TMEM190: variants seen among roughly 807,000 people sequenced by gnomAD.
TMEM190 encodes the protein transmembrane protein 190.
TMEM190 carries 17 observed loss-of-function variants against 17.1 expected under a neutral mutation model. The ratio of observed to expected loss-of-function variants is 0.99; its 90% confidence interval spans 0.68 to 1.49. The LOEUF (loss-of-function observed/expected upper bound fraction) is 1.49, where lower values mean the gene tolerates loss of function less well. Among genes scored for constraint, TMEM190 ranks in the 40% most tolerant of loss-of-function variants. The probability of loss-of-function intolerance (pLI) is 0.00; values close to 1 mark genes in which losing one functional copy is unlikely to be tolerated. For synonymous variants in TMEM190, 101 were observed against 103.8 expected (o/e 0.97, Z 0.16); for missense variants, 246 against 245.0 (o/e 1.00, Z -0.03).
Position 55,376,886 on chromosome 19 carries a change from G to A in TMEM190, c.33G>A (p.Leu11=), listed in dbSNP as rs766824649. Residue 11 remains leucine, a synonymous_variant, in exon 1 of 5, where the codon CTG becomes CTA. Transcript: ENST00000291934. Reference sequence around the variant, plus strand: ...GCTGTGGGATCCCAGCGCTGGGCCTGCTCCTGCTGCTGCAGGGCTCGGCAG... The same window carrying A: ...GCTGTGGGATCCCAGCGCTGGGCCTACTCCTGCTGCTGCAGGGCTCGGCAG... MLGCGIPALG[L]LLLLQGSADG... The A allele has an allele frequency of 1.9e-6, 3 of 1,583,610 alleles. No individual in the cohort carries two copies. In the South Asian group the frequency reaches 3.5e-5, roughly 18 times the overall value.
At chr19:55,376,955 C>A (rs2089855755) in intron 1 of TMEM190, 36 bp from the exon 2 acceptor site, 2 of 1,553,210 alleles carry the variant, frequency 1.3e-6, no homozygotes, top group Non-Finnish European at 1.7e-6. Context: ...GGACGCCCGG[C>A]TCCACACAGC....
chr19:55,377,457 G>A (rs867835796), intron 2 of TMEM190, 136 bp from the exon 3 acceptor site: 12 of 1,393,834 alleles, frequency 8.6e-6, no homozygotes, highest in African/African-American at 1.4e-5. Flanking sequence ...AGGAGGGGGT[G>A]GAGTCTGGAC....
intron 2 of TMEM190, among the ~76,000 whole-genome samples, chr19:55,377,231 T>C (rs1468292615): frequency 7.2e-6 from 1 of 139,156 alleles, no homozygotes; most frequent in Admixed American, 7.2e-5. Context: ...GATTCCTTGG[T>C]CTGAGGGAGG....
Position 55,377,841 on chromosome 19 carries a change from C to T in TMEM190, c.260C>T (p.Thr87Met), listed in dbSNP as rs780683303. The T allele has an allele frequency of 7.4e-6, 12 of 1,610,954 alleles. No homozygotes were observed. Among genetic ancestry groups the T allele is most frequent in the Middle Eastern group, 1.6e-4 (1 of 6,084 alleles). ...AAGCACATGTGGGCGCTGGTCTGGA[C>T]GTGCAGCGGCCTCCTCCTCCTGAGC... is the stretch of plus-strand genomic sequence containing the variant. ...RRKHMWALVW[T>M]CSGLLLLSCS... Residue 87 changes from threonine to methionine, a missense_variant, in exon 4 of 5, where the codon ACG (threonine) becomes ATG (methionine). By Grantham distance (81) the Thr-to-Met change is moderately conservative. Transcript: ENST00000291934.
chr19:55,377,656 A>C lies in TMEM190; in HGVS notation c.158A>C (p.Asn53Thr), dbSNP rs1423382621. ...GGCCAGGCGGCCATCGATAGCCCCA[A>C]CCTCTGCCTGCGTCTCCGGTGCTGC... The part of the protein sequence containing the change: ...CGGQAAIDSP[N>T]LCLRLRCCYR... The change falls in exon 3 of 5, where the codon AAC becomes ACC. Residue 53 changes from asparagine (N) to threonine (T), a missense_variant. Asn to Thr is a moderately conservative substitution (Grantham distance 65). Transcript: ENST00000291934. 1 of 1,613,346 alleles carries C rather than the reference A, an allele frequency of 6.2e-7. No homozygotes were observed. Among genetic ancestry groups the C allele is most frequent in the Admixed American group, 1.7e-5 (1 of 59,974 alleles).
rs752736314 is a variant in TMEM190 at position 55,378,049 on chromosome 19, C to G, written c.380C>G (p.Ser127Trp). 1.2e-5 allele frequency: 19 copies of G among 1,612,558 alleles called. No individual in the cohort carries two copies. The highest frequency in any genetic ancestry group is 2.2e-5 in the South Asian group (2 of 91,016). The change falls in exon 5 of 5, where the codon TCG becomes TGG. Residue 127 changes from serine to tryptophan, a missense_variant. Physicochemically the swap from Ser to Trp is radical, Grantham distance 177. Coordinates refer to ENST00000291934, the MANE Select transcript of TMEM190 (RefSeq NM_139172.3). The part of the protein sequence containing the change: ...AGPCDMSKSV[S>W]LLSKHRGTKK... Reference sequence around the variant, plus strand: ...CCGTGTGACATGTCCAAGTCCGTCTCGCTGCTCTCCAAGCACCGAGGGACC... The same window carrying G: ...CCGTGTGACATGTCCAAGTCCGTCTGGCTGCTCTCCAAGCACCGAGGGACC...
Position 55,377,875 on chromosome 19 carries a change from C to A in TMEM190, c.294C>A (p.Ile98=), listed in dbSNP as rs1293948280. ...CSGLLLLSCS[I]CLFWWAKRRD... is the part of the protein sequence containing the mutation. Reference sequence around the variant, plus strand: ...GCCTCCTCCTCCTGAGCTGCAGCATCTGCTTGTTCTGGCGAGTGGGCCTGG... The same window carrying A: ...GCCTCCTCCTCCTGAGCTGCAGCATATGCTTGTTCTGGCGAGTGGGCCTGG... The change falls in exon 4 of 5, where the codon ATC becomes ATA. Residue 98 remains isoleucine, a synonymous_variant. Coordinates refer to ENST00000291934, the MANE Select transcript of TMEM190 (RefSeq NM_139172.3). The A allele has an allele frequency of 6.2e-7, 1 of 1,609,552 alleles. No homozygotes were observed. The highest frequency in any genetic ancestry group is 1.1e-5 in the South Asian group (1 of 91,074).
At position 55,378,234 on chromosome 19, in the gene TMEM190, T is replaced by C. The variant is rs767314491; in HGVS notation, c.*31T>C. On this transcript the variant is annotated 3_prime_UTR_variant, in exon 5 of 5. Coordinates refer to ENST00000291934, the MANE Select transcript of TMEM190 (RefSeq NM_139172.3). ...TCCCCGGGGGACTGCTCAATACAGA[T>C]ACGGTGGACGGACGTGTGTTCTCTT... is the stretch of plus-strand genomic sequence containing the variant. The C allele has an allele frequency of 2.0e-6, 3 of 1,498,700 alleles. No homozygotes were observed. The South Asian group carries it at 4.0e-5, about 20-fold the overall frequency. 92.8% of individuals were successfully genotyped at this position (1,498,700 alleles called of 1,614,324 possible). A position where few individuals can be genotyped will look rare whatever the true frequency, so the allele number is the denominator to read the frequency against.
In TMEM190 at chr19:55,378,151, G is replaced by A; in HGVS notation, c.482G>A (p.Gly161Glu). The A allele has an allele frequency of 1.3e-6, 2 of 1,580,388 alleles. No individual in the cohort carries two copies. The highest frequency in any genetic ancestry group is 1.7e-6 in the Non-Finnish European group (2 of 1,159,686). Residue 161 changes from glycine to glutamate, a missense_variant, in exon 5 of 5, where the codon GGG becomes GAG. Gly to Glu is a moderately conservative substitution (Grantham distance 98). Transcript: ENST00000291934. ...ESRDVEGGTE[G>E]EGTEEGEETE... ...AGGGATGTGGAGGGAGGCACCGAGG[G>A]GGAAGGGACGGAGGAGGGTGAGGAG...
intron 4 of TMEM190, 37 bp from the exon 5 acceptor site, chr19:55,377,938 G>A (rs200466668): frequency 5.6e-6 from 9 of 1,606,446 alleles, no homozygotes; most frequent in Middle Eastern, 1.7e-4. Context: ...GGGAGGGTCC[G>A]GCGGAGGGCG....
rs369046327 is a variant in TMEM190, at chr19:55,378,158, G to T, written c.489G>T (p.Gly163=). ...RDVEGGTEGE[G]TEEGEETEGE... ...TGGAGGGAGGCACCGAGGGGGAAGGGACGGAGGAGGGTGAGGAGACAGAGG... is the reference window on the plus strand; with the variant it reads ...TGGAGGGAGGCACCGAGGGGGAAGGTACGGAGGAGGGTGAGGAGACAGAGG... The change falls in exon 5 of 5, where the codon GGG becomes GGT. Residue 163 remains glycine, a synonymous_variant. Coordinates refer to ENST00000291934, the MANE Select transcript of TMEM190 (RefSeq NM_139172.3). The T allele has an allele frequency of 1.1e-4, 179 of 1,575,336 alleles. No homozygotes were observed. The highest frequency in any genetic ancestry group is 1.5e-4 in the Non-Finnish European group (173 of 1,157,274).
intron 2 of TMEM190, 141 bp downstream of exon 2, chr19:55,377,167 G>A: frequency 2.2e-6 from 2 of 916,088 alleles, no homozygotes; most frequent in Non-Finnish European, 3.4e-6. Flanking sequence ...TCTGAGGGAG[G>A]AGGGGCTGGG....
chr19:55,377,555 C>A, intron 2 of TMEM190, 38 bp from the exon 3 acceptor site: 1 of 1,579,928 alleles, frequency 6.3e-7, no homozygotes, highest in South Asian at 1.2e-5. Flanking sequence ...CGGAGCGGAG[C>A]GCTGTGATGA....
chr19:55,376,930 G>A lies in TMEM190; in HGVS notation c.58+19G>A, dbSNP rs548963377. ...TCGGCAGGTGAGGGGCTGGTGAGGC[G>A]GGGGAGCTGAGGAGGGACGCCCGGC... On this transcript the variant is annotated intron_variant, in intron 1 of 4. Coordinates refer to ENST00000291934, the MANE Select transcript of TMEM190 (RefSeq NM_139172.3). 1.8e-5 allele frequency: 28 copies of A among 1,562,140 alleles called. No individual in the cohort carries two copies. The highest frequency in any genetic ancestry group is 3.9e-5 in the Admixed American group (2 of 51,814).
chr19:55,377,065 G>A (rs1873995070), intron 2 of TMEM190, 39 bp downstream of exon 2: 1 of 1,549,634 alleles, frequency 6.5e-7, no homozygotes, highest in African/African-American at 1.4e-5. Context: ...CCAGGGAGGG[G>A]AGCCCAGATC....
chr19:55,378,008 C>T lies in TMEM190; in HGVS notation c.339C>T (p.Pro113=), dbSNP rs763446354. 94 of 1,612,692 alleles carry T rather than the reference C, an allele frequency of 5.8e-5. No homozygotes were observed. Among genetic ancestry groups the T allele is most frequent in the Admixed American group, 8.3e-5 (5 of 59,974 alleles). Residue 113 remains proline (P), a synonymous_variant, in exon 5 of 5, where the codon CCC becomes CCT. Coordinates refer to ENST00000291934, the MANE Select transcript of TMEM190 (RefSeq NM_139172.3). ...WAKRRDVLHM[P]GFLAGPCDMS... ...AGCGCCGGGACGTGCTGCATATGCC[C>T]GGTTTCCTGGCGGGTCCGTGTGACA...
In TMEM190 at chr19:55,378,109, C is replaced by T. The variant is rs1411087788; in HGVS notation, c.440C>T (p.Ala147Val). ...CCGTCCACGGGCAGCGTGCCAGTCG[C>T]CCTGTCCAAAGAGTCCAGGGATGTG... ...KTPSTGSVPV[A>V]LSKESRDVEG... is the part of the protein sequence containing the mutation. Residue 147 changes from alanine to valine, a missense_variant, in exon 5 of 5, where the codon GCC (alanine) becomes GTC (valine). Transcript: ENST00000291934. 2 of 1,606,648 alleles carry T rather than the reference C, an allele frequency of 1.2e-6. No homozygotes were observed. The highest frequency in any genetic ancestry group is 1.7e-6 in the Non-Finnish European group (2 of 1,175,898).
intron 2 of TMEM190, among the ~76,000 whole-genome samples, chr19:55,377,296 C>A (rs1313405863): frequency 7.0e-6 from 1 of 142,418 alleles, no homozygotes; most frequent in Non-Finnish European, 1.5e-5. Context: ...GCCTGGACTC[C>A]TGGGTCTGAG....
chr19:55,377,915 C>T, intron 4 of TMEM190, 29 bp downstream of exon 4: 2 of 1,606,818 alleles, frequency 1.2e-6, no homozygotes, highest in Non-Finnish European at 1.7e-6. Context: ...GGGCGGGCGC[C>T]TGCACCCCCA....
Sources: allele counts gnomAD v4.1 joint callset (sites outside exome capture counted in the v4.1 genomes callset), GRCh38; gene constraint gnomAD v4.1.1; transcripts MANE v1.5; gene names NCBI Gene and HGNC (gene_info 2026-07-23, HGNC 2026-07-21).